The following NBEA variants were observed in gnomAD, a reference collection of about 807,000 sequenced individuals.
NBEA encodes the protein neurobeachin.
Under a neutral mutation model 343.4 loss-of-function variants are expected in NBEA, and 44 were observed. The ratio of observed to expected loss-of-function variants is 0.13; its 90% confidence interval spans 0.10 to 0.16. The LOEUF (loss-of-function observed/expected upper bound fraction) is 0.16, where lower values mean the gene tolerates loss of function less well. NBEA is among the 10% of genes least tolerant of loss of function. The pLI, the probability that NBEA is intolerant of heterozygous loss-of-function variation, is 1.00. For missense variants in NBEA, 2,555 were observed against 3,631.3 expected, an observed-to-expected ratio of 0.70 and a Z score of 7.62; for synonymous variants, 1,175 against 1,238.7, an observed-to-expected ratio of 0.95 and a Z score of 1.08.
chr13:35,000,124 G>A (rs1483886705), intron 1 of NBEA, among the ~76,000 whole-genome samples: 2 of 152,046 alleles, frequency 1.3e-5, no homozygotes, highest in Non-Finnish European at 2.9e-5. Flanking sequence ...TTTAGAATAA[G>A]ATAGACATAA....
At chr13:34,943,152 C>T in intron 1 of NBEA, 38 bp downstream of exon 1, 2 of 1,607,374 alleles carry the variant, frequency 1.2e-6, no homozygotes, top group East Asian at 2.2e-5. Flanking sequence ...CTTCCCCAGT[C>T]CCCACATACA....
chr13:34,959,790 C>G (rs1380459677), intron 1 of NBEA, among the ~76,000 whole-genome samples: 1 of 151,830 alleles, frequency 6.6e-6, no homozygotes, highest in Admixed American at 6.6e-5. Flanking sequence ...CTAGTGAAGT[C>G]AGAGATATCA....
At chr13:35,314,235 A>G (rs2152835683) in intron 36 of NBEA, among the ~76,000 whole-genome samples, 1 of 152,284 alleles carries the variant, frequency 6.6e-6, no homozygotes, top group African/African-American at 2.4e-5. Context: ...AGTAAAGAAT[A>G]CTGAAAATAG....
intron 1 of NBEA, among the ~76,000 whole-genome samples, chr13:34,950,317 C>T (rs2059310501): frequency 1.3e-5 from 2 of 152,094 alleles, no homozygotes; most frequent in South Asian, 2.1e-4. Context: ...AAGTCAGATT[C>T]TACTTGAGAA....
intron 34 of NBEA, chr13:35,251,522 G>T: frequency 8.9e-7 from 1 of 1,128,966 alleles, no homozygotes; most frequent in South Asian, 2.1e-5. Flanking sequence ...GCCACCTCTG[G>T]GCTCATCCTG....
At chr13:35,004,718 T>G (rs1374502075) in intron 1 of NBEA, among the ~76,000 whole-genome samples, 2 of 152,224 alleles carry the variant, frequency 1.3e-5, no homozygotes, top group Non-Finnish European at 2.9e-5. Context: ...ATGATCATAG[T>G]AATCCCACTT....
chr13:35,172,128 T>C (rs557254212), intron 26 of NBEA, among the ~76,000 whole-genome samples: 2 of 152,080 alleles, frequency 1.3e-5, no homozygotes, highest in Non-Finnish European at 2.9e-5. Context: ...CTGCAAGGCA[T>C]GAAATAGGAA....
At chr13:35,185,062 A>C (rs1422477420) in intron 30 of NBEA, among the ~76,000 whole-genome samples, 2 of 152,148 alleles carry the variant, frequency 1.3e-5, no homozygotes, top group Non-Finnish European at 2.9e-5. Context: ...GTCACAGAAC[A>C]GGAAGTCCGA....
chr13:35,019,006 G>A (rs1480419099), intron 1 of NBEA, among the ~76,000 whole-genome samples: 1 of 149,760 alleles, frequency 6.7e-6, no homozygotes, highest in Middle Eastern at 3.2e-3. Flanking sequence ...TCATCATGTG[G>A]CTTTTCATTT....
At chr13:35,224,131 C>T (rs557217852) in intron 33 of NBEA, among the ~76,000 whole-genome samples, 1 of 152,268 alleles carries the variant, frequency 6.6e-6, no homozygotes, top group African/African-American at 2.4e-5. Context: ...TTTCTGCCTT[C>T]CTCTTTTGCT....
At chr13:35,051,097 T>A (rs1461342108) in intron 6 of NBEA, among the ~76,000 whole-genome samples, 2 of 151,976 alleles carry the variant, frequency 1.3e-5, no homozygotes, top group African/African-American at 4.8e-5. Flanking sequence ...CCAGACTCCA[T>A]CTTTGTGTCA....
intron 34 of NBEA, among the ~76,000 whole-genome samples, chr13:35,260,050 A>G (rs1277309254): frequency 6.6e-6 from 1 of 152,234 alleles, no homozygotes; most frequent in Admixed American, 6.5e-5. Context: ...TATCTTTAAT[A>G]TCTGTAACAT....
chr13:35,327,094 A>G (rs1288652399), intron 36 of NBEA, among the ~76,000 whole-genome samples: 2 of 151,890 alleles, frequency 1.3e-5, no homozygotes, highest in Non-Finnish European at 2.9e-5. Context: ...TTTCACACCC[A>G]TGAGTAATGG....
At chr13:34,955,985 A>G (rs1470349637) in intron 1 of NBEA, among the ~76,000 whole-genome samples, 4 of 152,226 alleles carry the variant, frequency 2.6e-5, no homozygotes, top group Non-Finnish European at 5.9e-5. Context: ...ATTAACCATC[A>G]TAAGAGGTAT....
At chr13:35,668,201 G>A (rs1317507588) in intron 57 of NBEA, among the ~76,000 whole-genome samples, 167 bp from the exon 58 acceptor site, 2 of 152,198 alleles carry the variant, frequency 1.3e-5, no homozygotes, top group Non-Finnish European at 2.9e-5. Flanking sequence ...GATTGAACTT[G>A]ATTTTGTTGG....
At chr13:35,203,694 T>C (rs2073176092) in intron 31 of NBEA, among the ~76,000 whole-genome samples, 2 of 152,208 alleles carry the variant, frequency 1.3e-5, no homozygotes, top group Non-Finnish European at 2.9e-5. Flanking sequence ...AATTCAATGA[T>C]GGAAGAATTC....
chr13:35,412,332 A>G (rs2043638131), intron 38 of NBEA, among the ~76,000 whole-genome samples: 1 of 152,150 alleles, frequency 6.6e-6, no homozygotes, highest in African/African-American at 2.4e-5. Flanking sequence ...GAACAGTGCC[A>G]GTAAATATAG....
At chr13:35,102,601 G>A (rs560716594) in intron 11 of NBEA, among the ~76,000 whole-genome samples, 1 of 151,572 alleles carries the variant, frequency 6.6e-6, no homozygotes. Flanking sequence ...TTATTTCCAG[G>A]TATTTGATAT....
In NBEA at chr13:35,586,194, A is replaced by G. The variant is rs1311607907; in HGVS notation, c.7176+2156A>G. Among the ~76,000 whole-genome samples, 17 of 152,162 alleles carry G rather than the reference A, an allele frequency of 1.1e-4. No homozygotes were observed. The South Asian group carries it at 3.5e-3, about 32-fold the overall frequency. On this transcript the variant is annotated intron_variant, in intron 46 of 58. Transcript: ENST00000379939. ...GTCTTCGAAAATATTTTTTCCCTTC[A>G]CCTAAATGACAGCTCTAGTTTGTAG...
Sources: gnomAD v4.1 joint callset for allele counts (sites outside exome capture counted in the v4.1 genomes callset) on GRCh38, gnomAD v4.1.1 for gene constraint, MANE v1.5 for transcripts, NCBI Gene and HGNC (gene_info 2026-07-23, HGNC 2026-07-21) for gene names.